Variants in NBAS observed in about 807,000 individuals in gnomAD.
NBAS encodes the protein NAG/BC035112 fusion.
A neutral mutation model predicts 302.5 loss-of-function variants in NBAS; 219 were observed. The observed-to-expected ratio is 0.72, with a 90% confidence interval of 0.65 to 0.81. The LOEUF (loss-of-function observed/expected upper bound fraction) is 0.81, where lower values mean the gene tolerates loss of function less well. Among genes scored for constraint, NBAS ranks in the 30% least tolerant of loss-of-function variants. The pLI is 0.00. For missense variants in NBAS, 2,932 were observed against 2,841.6 expected (o/e 1.03, Z -0.72); for synonymous variants, 1,118 against 1,021.6 (o/e 1.09, Z -1.80).
In NBAS at chr2:15,430,841, C is replaced by T. The variant is rs182862007; in HGVS notation, c.2340-3047G>A. ...TTCTTTTTTGAGATGGAGTCTCGCT[C>T]GGTCGCCCAGTCTGGAGTGCAGTGG... On this transcript the variant is annotated intron_variant, in intron 21 of 51. Coordinates refer to ENST00000281513, the MANE Select transcript of NBAS (RefSeq NM_015909.4). 5.5e-4 allele frequency among the ~76,000 whole-genome samples: 83 copies of T among 152,102 alleles called. 2 individuals are homozygous for T. Among genetic ancestry groups the T allele is most frequent in the African/African-American group, 1.9e-3 (77 of 41,478 alleles).
the NBAS span, among the ~76,000 whole-genome samples, chr2:15,124,700 C>T: frequency 3.3e-5 from 5 of 152,242 alleles, no homozygotes; most frequent in African/African-American, 1.2e-4. Flanking sequence ...CCAGCTGCAG[C>T]TCAAAGGGCC....
At chr2:15,139,014 G>A in the NBAS span, among the ~76,000 whole-genome samples, 6 of 152,014 alleles carry the variant, frequency 3.9e-5, no homozygotes, top group African/African-American at 1.4e-4. Flanking sequence ...CTGATTTTTT[G>A]TTTGTTCTTG....
the NBAS span, among the ~76,000 whole-genome samples, chr2:15,133,924 CA>C: frequency 6.6e-6 from 1 of 152,058 alleles, no homozygotes; most frequent in Non-Finnish European, 1.5e-5. Flanking sequence ...TTAGACTTTT[CA>C]GACAAGATCT....
intron 32 of NBAS, among the ~76,000 whole-genome samples, chr2:15,363,363 G>C (rs541808624): frequency 6.6e-6 from 1 of 152,252 alleles, no homozygotes; most frequent in African/African-American, 2.4e-5. Flanking sequence ...ACCTCATTTG[G>C]ATGCATTCCT....
the NBAS span, among the ~76,000 whole-genome samples, chr2:14,993,271 C>A: frequency 2.0e-5 from 3 of 152,208 alleles, no homozygotes; most frequent in African/African-American, 7.2e-5. Context: ...CTATTTACAA[C>A]ACTGCAGACC....
At chr2:15,137,623 T>C in the NBAS span, among the ~76,000 whole-genome samples, 1 of 152,158 alleles carries the variant, frequency 6.6e-6, no homozygotes, top group Non-Finnish European at 1.5e-5. Flanking sequence ...AAAAAAATGA[T>C]GAGAGGAGGA....
chr2:15,276,627 A>G (rs937754923), intron 43 of NBAS, among the ~76,000 whole-genome samples: 5 of 152,206 alleles, frequency 3.3e-5, no homozygotes, highest in African/African-American at 1.2e-4. Flanking sequence ...AGTCTACCAT[A>G]AGTCACTGTG....
intron 51 of NBAS, among the ~76,000 whole-genome samples, chr2:15,178,776 G>C (rs1334276041): frequency 6.6e-6 from 1 of 152,090 alleles, no homozygotes; most frequent in African/African-American, 2.4e-5. Context: ...CAAAAACACT[G>C]AATCTGGTTC....
At chr2:15,409,318 G>A (rs1004956892) in intron 25 of NBAS, among the ~76,000 whole-genome samples, 6 of 152,056 alleles carry the variant, frequency 3.9e-5, no homozygotes, top group African/African-American at 1.2e-4. Context: ...AATGCACCTC[G>A]TATCTTTCAT....
At chr2:14,889,472 A>G in the NBAS span, among the ~76,000 whole-genome samples, 4 of 152,238 alleles carry the variant, frequency 2.6e-5, no homozygotes, top group Non-Finnish European at 5.9e-5. Context: ...ATATGGAAGT[A>G]TAAGAATCAA....
chr2:15,088,076 G>T, the NBAS span, among the ~76,000 whole-genome samples: 10,375 of 152,176 alleles, frequency 0.068, 842 homozygotes, highest in African/African-American at 0.18. Context: ...CATAAATGGG[G>T]CCCTGGAGGT....
chr2:15,240,755 T>C (rs1667831754), intron 44 of NBAS, among the ~76,000 whole-genome samples: 1 of 152,220 alleles, frequency 6.6e-6, no homozygotes, highest in African/African-American at 2.4e-5. Flanking sequence ...ACAAGTTCCG[T>C]AGTCCCCACT....
At chr2:15,371,848 G>A (rs541383456) in intron 31 of NBAS, among the ~76,000 whole-genome samples, 1 of 152,242 alleles carries the variant, frequency 6.6e-6, no homozygotes, top group Admixed American at 6.5e-5. Context: ...GAAAATGAAT[G>A]AAGAGAAAGG....
intron 47 of NBAS, among the ~76,000 whole-genome samples, chr2:15,223,607 G>A (rs1474134811): frequency 1.3e-5 from 2 of 151,968 alleles, no homozygotes; most frequent in African/African-American, 4.8e-5. Flanking sequence ...GAGGCAGGCA[G>A]AACACAAGGT....
At position 15,275,595 on chromosome 2, in the gene NBAS, C is replaced by T. The variant is rs369215695; in HGVS notation, c.5613G>A (p.Pro1871=). ...HLIKQVPGSS[P]EWLHAYDVCM... is the part of the protein sequence containing the mutation. The stretch of plus-strand genomic sequence containing the variant: ...AGACATCATAGGCATGAAGCCACTC[C>T]GGTGAAGAGCCTGGGACTTGTTTAA... Residue 1871 remains proline, a synonymous_variant, in exon 44 of 52, where the codon CCG becomes CCA. Coordinates refer to ENST00000281513, the MANE Select transcript of NBAS (RefSeq NM_015909.4). 160 of 1,614,096 alleles carry T rather than the reference C, an allele frequency of 9.9e-5. 1 individual carries two copies. The South Asian group carries it at 1.2e-3, about 12-fold the overall frequency.
intron 9 of NBAS, among the ~76,000 whole-genome samples, chr2:15,517,812 T>C (rs1366302273): frequency 6.6e-6 from 1 of 152,160 alleles, no homozygotes; most frequent in Non-Finnish European, 1.5e-5. Context: ...CACATTACCC[T>C]CATGGTTGCA....
chr2:14,997,282 G>A, the NBAS span, among the ~76,000 whole-genome samples: 2 of 152,064 alleles, frequency 1.3e-5, no homozygotes, highest in Non-Finnish European at 2.9e-5. Flanking sequence ...GTTTACTTAT[G>A]TAAAAAACCT....
the NBAS span, among the ~76,000 whole-genome samples, chr2:14,807,454 A>AGT: frequency 0.017 from 2,438 of 147,332 alleles, 22 homozygotes; most frequent in East Asian, 0.045. Flanking sequence ...TGTGTGTGTG[A>AGT]GTGTGTGTGT....
chr2:15,126,413 G>A, the NBAS span, among the ~76,000 whole-genome samples: 3 of 152,162 alleles, frequency 2.0e-5, no homozygotes, highest in Non-Finnish European at 4.4e-5. Flanking sequence ...AGCCCTGGTA[G>A]AGGAATGGGG....
Sources: gnomAD v4.1 joint callset for allele counts (sites outside exome capture counted in the v4.1 genomes callset) on GRCh38, gnomAD v4.1.1 for gene constraint, MANE v1.5 for transcripts, NCBI Gene and HGNC (gene_info 2026-07-23, HGNC 2026-07-21) for gene names.